MYO5B: variants seen among roughly 807,000 people sequenced by gnomAD.
MYO5B encodes myosin VB.
MYO5B carries 143 observed loss-of-function variants against 229.3 expected under a neutral mutation model. The ratio of observed to expected loss-of-function variants is 0.62; its 90% confidence interval spans 0.54 to 0.72. The LOEUF (loss-of-function observed/expected upper bound fraction) is 0.72, where lower values mean the gene tolerates loss of function less well. MYO5B is among the 30% of genes least tolerant of loss of function. MYO5B has a pLI of 0.00. For missense variants in MYO5B, 2,321 were observed against 2,331.0 expected, an observed-to-expected ratio of 1.00 and a Z score of 0.09; for synonymous variants, 918 against 885.2, an observed-to-expected ratio of 1.04 and a Z score of -0.66.
At chr18:49,981,730 G>T (rs1273783589) in intron 8 of MYO5B, among the ~76,000 whole-genome samples, 1 of 152,182 alleles carries the variant, frequency 6.6e-6, no homozygotes, top group Non-Finnish European at 1.5e-5. Flanking sequence ...TACACAGGCT[G>T]CAAGTATTTG....
At chr18:50,016,807 C>G (rs181055365) in intron 4 of MYO5B, among the ~76,000 whole-genome samples, 3 of 152,034 alleles carry the variant, frequency 2.0e-5, no homozygotes, top group African/African-American at 7.2e-5. Flanking sequence ...CATTGCCTAC[C>G]AATCCCCAGA....
chr18:50,027,837 A>G (rs1385402094), intron 4 of MYO5B, among the ~76,000 whole-genome samples: 1 of 151,278 alleles, frequency 6.6e-6, no homozygotes, highest in Non-Finnish European at 1.5e-5. Flanking sequence ...ATTCAAAAAG[A>G]TAACATTCAC....
chr18:50,016,343 G>T (rs1412798345), intron 4 of MYO5B, among the ~76,000 whole-genome samples: 1 of 152,168 alleles, frequency 6.6e-6, no homozygotes, highest in Non-Finnish European at 1.5e-5. Context: ...AAAACTTAGA[G>T]TTTAAAGGCT....
At chr18:50,194,705 T>G in intron 1 of MYO5B, 62 bp downstream of exon 1, 1 of 1,218,340 alleles carries the variant, frequency 8.2e-7, no homozygotes, top group Non-Finnish European at 1.1e-6. Context: ...CGACCCTGAG[T>G]ACTAGGTGGC....
chr18:49,928,148 C>T (rs1036269144), intron 17 of MYO5B, among the ~76,000 whole-genome samples: 1 of 152,142 alleles, frequency 6.6e-6, no homozygotes, highest in Middle Eastern at 3.2e-3. Flanking sequence ...CTCAACATCA[C>T]TAATTATCAG....
At chr18:49,953,993 T>C (rs28520128) in intron 13 of MYO5B, among the ~76,000 whole-genome samples, 3 of 148,226 alleles carry the variant, frequency 2.0e-5, no homozygotes, top group African/African-American at 5.0e-5. Flanking sequence ...ACTATATATA[T>C]ACACAGACAT....
chr18:50,186,852 G>A (rs745903900), intron 1 of MYO5B, among the ~76,000 whole-genome samples: 17 of 152,050 alleles, frequency 1.1e-4, no homozygotes, highest in Non-Finnish European at 2.2e-4. Flanking sequence ...AATATCCAGG[G>A]TGTCCACCTC....
intron 1 of MYO5B, among the ~76,000 whole-genome samples, chr18:50,105,617 T>A (rs966072479): frequency 6.6e-6 from 1 of 152,008 alleles, no homozygotes; most frequent in Non-Finnish European, 1.5e-5. Context: ...AAAATTACTA[T>A]GTTTGCAGGG....
chr18:49,890,064 T>G (rs774732945), intron 22 of MYO5B, among the ~76,000 whole-genome samples: 1 of 152,182 alleles, frequency 6.6e-6, no homozygotes, highest in African/African-American at 2.4e-5. Context: ...TGATCTTTCA[T>G]GAACAGCAGG....
At chr18:49,864,996 GA>G (rs1345297208) in intron 27 of MYO5B, among the ~76,000 whole-genome samples, 1 of 152,150 alleles carries the variant, frequency 6.6e-6, no homozygotes, top group Non-Finnish European at 1.5e-5. Context: ...CTCAACTTTG[GA>G]ACATACTTCA....
rs373599165 is a variant in MYO5B, at chr18:49,826,441, G to C, written c.*30C>G. Reference sequence around the variant, plus strand: ...TATACTTCCTTCTTGCTCACATTGGGAATCAAACTAATGCTGGAAACATGC... The same window carrying C: ...TATACTTCCTTCTTGCTCACATTGGCAATCAAACTAATGCTGGAAACATGC... On this transcript the variant is annotated 3_prime_UTR_variant, in exon 40 of 40. Transcript: ENST00000285039. 14 of 1,612,318 alleles carry C rather than the reference G, an allele frequency of 8.7e-6. No homozygotes were observed. The African/African-American group carries it at 1.9e-4, about 22-fold the overall frequency.
At chr18:50,100,892 C>A (rs1017901032) in intron 1 of MYO5B, among the ~76,000 whole-genome samples, 27 of 152,224 alleles carry the variant, frequency 1.8e-4, no homozygotes, top group Non-Finnish European at 8.8e-5. Flanking sequence ...GTTTCCCACC[C>A]AGAACTCTGC....
In MYO5B at chr18:49,838,706, C is replaced by T. The variant is rs2024019867; in HGVS notation, c.4852+438G>A. On this transcript the variant is annotated intron_variant, in intron 36 of 39. Coordinates refer to ENST00000285039, the MANE Select transcript of MYO5B (RefSeq NM_001080467.3). ...TGATTTCATGTTCAGTGCCCAAGTA[C>T]ACTGCTTGGTTCAAAGCAAGTGTCT... is the stretch of plus-strand genomic sequence containing the variant. Among the ~76,000 whole-genome samples the T allele has an allele frequency of 3.3e-5, 5 of 152,304 alleles. No individual in the cohort carries two copies. The South Asian group carries it at 8.3e-4, about 25-fold the overall frequency.
chr18:49,998,074 G>A (rs1170666408), intron 5 of MYO5B, among the ~76,000 whole-genome samples: 1 of 152,142 alleles, frequency 6.6e-6, no homozygotes. Context: ...GACTTGGGAA[G>A]TGCAAAAGCC....
intron 39 of MYO5B, among the ~76,000 whole-genome samples, chr18:49,833,654 G>A (rs2023951794): frequency 6.6e-6 from 1 of 152,182 alleles, no homozygotes; most frequent in Non-Finnish European, 1.5e-5. Context: ...TTTATGAGCA[G>A]TTATAGTTCT....
chr18:50,073,612 A>G (rs1460441754), intron 1 of MYO5B, among the ~76,000 whole-genome samples: 1 of 152,140 alleles, frequency 6.6e-6, no homozygotes, highest in East Asian at 1.9e-4. Flanking sequence ...CCTCTCATGT[A>G]TGCAGCTGAG....
At chr18:50,184,153 G>A (rs2033114658) in intron 1 of MYO5B, among the ~76,000 whole-genome samples, 1 of 152,176 alleles carries the variant, frequency 6.6e-6, no homozygotes, top group East Asian at 1.9e-4. Flanking sequence ...TGTGGATCTC[G>A]TTTGGGACTA....
At position 49,875,785 on chromosome 18, in the gene MYO5B, G is replaced by C; in HGVS notation, c.3439C>G (p.Leu1147Val). The stretch of plus-strand genomic sequence containing the variant: ...TCCCGTACTCTCTTCTGCAGCTTCA[G>C]GAAGACCGTCATGTCCATGGCTGCC... Reference protein sequence around the residue: ...EKAAMDMTVFLKLQKRVRELE... With the variant: ...EKAAMDMTVFVKLQKRVRELE... Residue 1147 changes from leucine to valine, a missense_variant, in exon 26 of 40, where the codon CTG becomes GTG. Leu to Val is a conservative substitution (Grantham distance 32, BLOSUM62 1). Around this residue, in one of 2 missense-constraint regions of MYO5B, gnomAD observed 2,113 missense variants for 2,044.7 expected, o/e 1.03. Transcript: ENST00000285039. 1.9e-6 allele frequency: 3 copies of C among 1,614,130 alleles called. No individual in the cohort carries two copies. Among genetic ancestry groups the C allele is most frequent in the Non-Finnish European group, 1.7e-6 (2 of 1,180,000 alleles).
At chr18:50,178,438 A>C (rs780295435) in intron 1 of MYO5B, among the ~76,000 whole-genome samples, 5 of 152,238 alleles carry the variant, frequency 3.3e-5, no homozygotes, top group Non-Finnish European at 7.3e-5. Flanking sequence ...TAGTATCCAC[A>C]GTACTCAGCA....
Sources: gnomAD v4.1 joint callset for allele counts (sites outside exome capture counted in the v4.1 genomes callset) on GRCh38, gnomAD v4.1.1 for gene constraint, gnomAD v4.1.1 regional missense constraint, MANE v1.5 for transcripts, NCBI Gene and HGNC (gene_info 2026-07-23, HGNC 2026-07-21) for gene names.